Variants in HCRTR2 observed in about 807,000 individuals in gnomAD.
The protein encoded by HCRTR2 is orexin receptor type 2.
A neutral mutation model predicts 49.0 loss-of-function variants in HCRTR2; 22 were observed. That is an observed-to-expected ratio of 0.45 (90% CI 0.32 to 0.64). The LOEUF (loss-of-function observed/expected upper bound fraction) is 0.64, where lower values mean the gene tolerates loss of function less well. HCRTR2 is among the 30% of genes least tolerant of loss of function. The pLI is 0.04. For missense variants in HCRTR2, 491 were observed against 559.4 expected (o/e 0.88, Z 1.23); for synonymous variants, 236 against 205.3 (o/e 1.15, Z -1.28).
intron 1 of HCRTR2, among the ~76,000 whole-genome samples, chr6:55,145,413 GTTTGT>G (rs1764566556): frequency 1.5e-5 from 1 of 67,474 alleles, no homozygotes; most frequent in Non-Finnish European, 2.8e-5. Flanking sequence ...TTGTTTTTTT[GTTTGT>G]TTTTTTTTTT....
intron 1 of HCRTR2, among the ~76,000 whole-genome samples, chr6:55,112,490 T>C (rs752752220): frequency 3.4e-5 from 5 of 147,216 alleles, no homozygotes; most frequent in Non-Finnish European, 6.0e-5. Flanking sequence ...AACACTGCTT[T>C]ACACTAACAC....
intron 4 of HCRTR2, among the ~76,000 whole-genome samples, chr6:55,269,047 GC>G (rs1379102836): frequency 7.1e-6 from 1 of 141,460 alleles, no homozygotes; most frequent in Non-Finnish European, 1.5e-5. Flanking sequence ...CAGAGATCGT[GC>G]CACTGCACTC....
Position 55,238,645 on chromosome 6 carries a change from G to C in HCRTR2, c.224-9994G>C, listed in dbSNP as rs529238767. Among the ~76,000 whole-genome samples, 3 of 152,254 alleles carry C rather than the reference G, an allele frequency of 2.0e-5. No individual in the cohort carries two copies. In the East Asian group the frequency reaches 5.8e-4, roughly 29 times the overall value. ...ATAGAACATCTATAAGATGAAAACA[G>C]TTGTAGTCAGAGATTCTGGTATGCA... On this transcript the variant is annotated intron_variant, in intron 1 of 6. Coordinates refer to ENST00000370862, the MANE Select transcript of HCRTR2 (RefSeq NM_001384272.1).
intron 1 of HCRTR2, among the ~76,000 whole-genome samples, chr6:55,238,022 A>G (rs977677142): frequency 1.3e-5 from 2 of 152,158 alleles, no homozygotes; most frequent in African/African-American, 2.4e-5. Context: ...AAATATTTAC[A>G]TGTAAAGAAA....
intron 1 of HCRTR2, among the ~76,000 whole-genome samples, chr6:55,182,268 G>A (rs143815324): frequency 1.1e-4 from 16 of 152,304 alleles, no homozygotes; most frequent in Non-Finnish European, 2.1e-4. Flanking sequence ...TCACATCATC[G>A]TGTAGTCCCT....
At chr6:55,227,373 A>G (rs1766029353) in intron 1 of HCRTR2, among the ~76,000 whole-genome samples, 1 of 152,130 alleles carries the variant, frequency 6.6e-6, no homozygotes, top group Admixed American at 6.5e-5. Flanking sequence ...TACTATGGGG[A>G]CCTTAATTGA....
chr6:55,228,065 C>T (rs1581842491), intron 1 of HCRTR2, among the ~76,000 whole-genome samples: 1 of 152,144 alleles, frequency 6.6e-6, no homozygotes, highest in Non-Finnish European at 1.5e-5. Context: ...AAGACTTATA[C>T]AAATGCAGAA....
intron 1 of HCRTR2, among the ~76,000 whole-genome samples, chr6:55,237,283 C>T (rs1358780537): frequency 6.6e-6 from 1 of 152,034 alleles, no homozygotes; most frequent in African/African-American, 2.4e-5. Context: ...TCTTCTTTCA[C>T]AGAGAATTTG....
intron 1 of HCRTR2, among the ~76,000 whole-genome samples, chr6:55,177,663 C>T (rs1765064239): frequency 6.6e-6 from 1 of 152,108 alleles, no homozygotes; most frequent in African/African-American, 2.4e-5. Flanking sequence ...ATAATGCCAT[C>T]AGTTAGAAGT....
At chr6:55,130,692 A>G (rs1412984489) in intron 1 of HCRTR2, among the ~76,000 whole-genome samples, 1 of 151,840 alleles carries the variant, frequency 6.6e-6, no homozygotes. Context: ...CTTGGCCTTT[A>G]AATCTCCAAT....
At chr6:55,153,352 C>T (rs1764687775) in intron 1 of HCRTR2, among the ~76,000 whole-genome samples, 1 of 151,980 alleles carries the variant, frequency 6.6e-6, no homozygotes, top group Non-Finnish European at 1.5e-5. Context: ...CACACCTAGG[C>T]TATAAGGTAT....
chr6:55,157,199 T>C (rs191577860), intron 1 of HCRTR2, among the ~76,000 whole-genome samples: 2 of 152,146 alleles, frequency 1.3e-5, no homozygotes, highest in African/African-American at 4.8e-5. Flanking sequence ...ATATCAATTC[T>C]CAAAAAACAC....
At chr6:55,134,675 C>A (rs1248822641) in intron 1 of HCRTR2, among the ~76,000 whole-genome samples, 1 of 151,900 alleles carries the variant, frequency 6.6e-6, no homozygotes, top group Non-Finnish European at 1.5e-5. Flanking sequence ...ACATTTTATT[C>A]TCTTTCTATG....
intron 1 of HCRTR2, among the ~76,000 whole-genome samples, chr6:55,236,553 G>A (rs962242692): frequency 6.6e-6 from 1 of 152,000 alleles, no homozygotes; most frequent in Non-Finnish European, 1.5e-5. Context: ...CCAGCACAAT[G>A]CTAAATAGAA....
At chr6:55,129,633 CT>C (rs571297867) in intron 1 of HCRTR2, among the ~76,000 whole-genome samples, 14 of 151,892 alleles carry the variant, frequency 9.2e-5, no homozygotes, top group South Asian at 8.3e-4. Context: ...TTTTTTAGCA[CT>C]TTTTTTTCTT....
chr6:55,206,055 G>A (rs1581828891), intron 1 of HCRTR2, among the ~76,000 whole-genome samples: 1 of 151,804 alleles, frequency 6.6e-6, no homozygotes, highest in Middle Eastern at 3.4e-3. Flanking sequence ...TCTTTTATTT[G>A]TTGAAATCAT....
At chr6:55,114,218 C>CA (rs566765344) in intron 1 of HCRTR2, among the ~76,000 whole-genome samples, 62 of 151,612 alleles carry the variant, frequency 4.1e-4, no homozygotes, top group Middle Eastern at 3.4e-3. Flanking sequence ...GAAATCACCA[C>CA]AAAAAACTTA....
At chr6:55,240,248 CT>C (rs1002739780) in intron 1 of HCRTR2, among the ~76,000 whole-genome samples, 9 of 149,326 alleles carry the variant, frequency 6.0e-5, no homozygotes, top group Non-Finnish European at 1.3e-4. Context: ...GTTCCAGCTA[CT>C]CAGGAGGCTG....
At chr6:55,168,728 G>T (rs914545200) in intron 1 of HCRTR2, among the ~76,000 whole-genome samples, 1 of 145,966 alleles carries the variant, frequency 6.9e-6, no homozygotes, top group African/African-American at 2.5e-5. Flanking sequence ...ACCATGCCTG[G>T]GTAATTTTTT....
Sources: gnomAD v4.1 joint callset for allele counts (sites outside exome capture counted in the v4.1 genomes callset) on GRCh38, gnomAD v4.1.1 for gene constraint, MANE v1.5 for transcripts, NCBI Gene and HGNC (gene_info 2026-07-23, HGNC 2026-07-21) for gene names.